COQ8A: variants seen among roughly 807,000 people sequenced by gnomAD.
COQ8A encodes the protein atypical kinase COQ8A, mitochondrial.
Under a neutral mutation model 65.0 loss-of-function variants are expected in COQ8A, and 51 were observed. The ratio of observed to expected loss-of-function variants is 0.78; its 90% confidence interval spans 0.63 to 0.99. The LOEUF (loss-of-function observed/expected upper bound fraction) is 0.99, where lower values mean the gene tolerates loss of function less well. COQ8A is among the 50% of genes least tolerant of loss of function. The pLI, the probability that COQ8A is intolerant of heterozygous loss-of-function variation, is 0.00. For synonymous variants in COQ8A, 371 were observed against 353.2 expected, an observed-to-expected ratio of 1.05 and a Z score of -0.57; for missense variants, 940 against 875.0, an observed-to-expected ratio of 1.07 and a Z score of -0.94.
At chr1:226,967,296 G>A (rs1658627291) in intron 4 of COQ8A, among the ~76,000 whole-genome samples, 1 of 152,138 alleles carries the variant, frequency 6.6e-6, no homozygotes, top group Non-Finnish European at 1.5e-5. Context: ...ATGATATTGA[G>A]GGCAGGAGCT....
chr1:226,982,501 T>A (rs1659760219), intron 6 of COQ8A, 177 bp from the exon 7 acceptor site: 1 of 743,552 alleles, frequency 1.3e-6, no homozygotes, highest in African/African-American at 1.7e-5. Context: ...AGGCTGGGGC[T>A]CCCGGGAAGC....
chr1:226,959,026 G>T (rs770737649), intron 1 of COQ8A, among the ~76,000 whole-genome samples: 17 of 151,848 alleles, frequency 1.1e-4, no homozygotes, highest in Non-Finnish European at 5.9e-5. Flanking sequence ...TGGTGTAGCT[G>T]TGTGCCTGGT....
At chr1:226,947,060 A>G (rs1657086108) in intron 1 of COQ8A, among the ~76,000 whole-genome samples, 1 of 152,240 alleles carries the variant, frequency 6.6e-6, no homozygotes, top group South Asian at 2.1e-4. Flanking sequence ...GTTTGGCCAG[A>G]TGGCCTTTGA....
At chr1:226,983,130 A>G (rs1166783433) in intron 8 of COQ8A, 96 bp downstream of exon 8, 2 of 1,480,066 alleles carry the variant, frequency 1.4e-6, no homozygotes, top group East Asian at 5.0e-5. Flanking sequence ...CACGTCCCGC[A>G]GGGCACCCTC....
intron 2 of COQ8A, among the ~76,000 whole-genome samples, chr1:226,963,370 T>C (rs1658370663): frequency 6.6e-6 from 1 of 152,204 alleles, no homozygotes. Flanking sequence ...CTCCAGCCCC[T>C]CAAGGTTGCT....
At chr1:226,981,448 G>A (rs918975652) in intron 5 of COQ8A, among the ~76,000 whole-genome samples, 6 of 152,270 alleles carry the variant, frequency 3.9e-5, no homozygotes, top group Non-Finnish European at 7.3e-5. Flanking sequence ...AGCTGCAGGG[G>A]GCCTCTGTGG....
chr1:226,982,440 A>G (rs1659755244), intron 6 of COQ8A: 2 of 644,070 alleles, frequency 3.1e-6, no homozygotes, highest in Non-Finnish European at 2.7e-6. Context: ...TAATTATGAA[A>G]AACTCTGCAT....
At chr1:226,983,442 G>T in intron 8 of COQ8A, 110 bp from the exon 9 acceptor site, 1 of 1,019,646 alleles carries the variant, frequency 9.8e-7, no homozygotes, top group Non-Finnish European at 1.5e-6. Context: ...CAGGGTGTGG[G>T]CTGGGGCCAG....
Position 226,984,159 on chromosome 1 carries a change from A to G in COQ8A, c.1322A>G (p.His441Arg). The G allele has an allele frequency of 1.2e-6, 2 of 1,613,876 alleles. No individual in the cohort carries two copies. Among genetic ancestry groups the G allele is most frequent in the South Asian group, 1.1e-5 (1 of 91,080 alleles). The change falls in exon 11 of 15, where the codon CAT becomes CGT. Residue 441 changes from histidine (H) to arginine (R), a missense_variant. By Grantham distance (29) the His-to-Arg change is conservative. Coordinates refer to ENST00000366777, the MANE Select transcript of COQ8A (RefSeq NM_020247.5). ...PEIVDELCSP[H>R]VLTTELVSGF... ...ATTGTGGATGAGCTCTGCAGCCCACATGTGCTGACCACAGAGCTGGTGTCT... is the reference window on the plus strand; with the variant it reads ...ATTGTGGATGAGCTCTGCAGCCCACGTGTGCTGACCACAGAGCTGGTGTCT...
chr1:226,977,642 T>A (rs1659322057), intron 5 of COQ8A, 119 bp downstream of exon 5: 1 of 1,151,926 alleles, frequency 8.7e-7, no homozygotes, highest in South Asian at 1.4e-5. Flanking sequence ...TTGCATGGGG[T>A]TCCACGTAAG....
At chr1:226,956,186 A>G (rs1326006181) in intron 1 of COQ8A, among the ~76,000 whole-genome samples, 54 of 56,718 alleles carry the variant, frequency 9.5e-4, no homozygotes, top group South Asian at 2.2e-3. Flanking sequence ...GCTCTCCCTG[A>G]TTCACACTCT....
chr1:226,979,304 G>A (rs1429911708), intron 5 of COQ8A, among the ~76,000 whole-genome samples: 3 of 152,188 alleles, frequency 2.0e-5, no homozygotes, highest in South Asian at 4.1e-4. Context: ...GGAGTGGGGC[G>A]CACTGAGTCC....
intron 11 of COQ8A, 27 bp downstream of exon 11, chr1:226,984,262 G>A (rs1659930853): frequency 6.2e-7 from 1 of 1,612,366 alleles, no homozygotes; most frequent in South Asian, 1.1e-5. Flanking sequence ...AGACAGGTGG[G>A]GCCAGGGTGG....
chr1:226,961,773 G>T (rs923370821), intron 2 of COQ8A, among the ~76,000 whole-genome samples: 1 of 152,240 alleles, frequency 6.6e-6, no homozygotes, highest in Non-Finnish European at 1.5e-5. Flanking sequence ...TAGACTGGTG[G>T]CTTAAACAAT....
rs754631155 is a variant in COQ8A at position 226,984,562 on chromosome 1, C to T, written c.1413C>T (p.Ile471=). 2.5e-6 allele frequency: 4 copies of T among 1,613,908 alleles called. No homozygotes were observed. The Admixed American group carries it at 6.7e-5, about 27-fold the overall frequency. Residue 471 remains isoleucine, a synonymous_variant, in exon 12 of 15, where the codon ATC becomes ATT. Coordinates refer to ENST00000366777, the MANE Select transcript of COQ8A (RefSeq NM_020247.5). ...GCTGTCCACAGATCTGCTACAACAT[C>T]CTGGTTCTGTGCCTGAGGGAGCTGT... ...QEIRNEICYN[I]LVLCLRELFE...
At chr1:226,965,851 G>GGT in intron 4 of COQ8A, 114 bp downstream of exon 4, 1 of 1,146,996 alleles carries the variant, frequency 8.7e-7, no homozygotes, top group South Asian at 1.3e-5. Context: ...TGGGGGAGCA[G>GGT]GTGGCGGTGG....
At chr1:226,978,052 C>T (rs145143739) in intron 5 of COQ8A, among the ~76,000 whole-genome samples, 57 of 149,762 alleles carry the variant, frequency 3.8e-4, no homozygotes, top group African/African-American at 1.4e-3. Flanking sequence ...CCCTTGCACA[C>T]CCACCGAACA....
intron 13 of COQ8A, 30 bp downstream of exon 13, chr1:226,984,971 C>T: frequency 1.2e-6 from 2 of 1,612,368 alleles, no homozygotes; most frequent in Non-Finnish European, 1.7e-6. Flanking sequence ...GGCCTTGGTC[C>T]ATGTTTTTCT....
At chr1:226,956,020 T>C in intron 1 of COQ8A, among the ~76,000 whole-genome samples, 1 of 137,674 alleles carries the variant, frequency 7.3e-6, no homozygotes, top group East Asian at 2.3e-4. Flanking sequence ...GCTCCCACTC[T>C]CCCTGGTTCA....
Sources: gnomAD v4.1 joint callset for allele counts (sites outside exome capture counted in the v4.1 genomes callset) on GRCh38, gnomAD v4.1.1 for gene constraint, MANE v1.5 for transcripts, NCBI Gene and HGNC (gene_info 2026-07-23, HGNC 2026-07-21) for gene names.